GRIK1: variants seen among roughly 807,000 people sequenced by gnomAD.
The protein encoded by GRIK1 is glutamate ionotropic receptor kainate type subunit 1, also known as glutamate receptor ionotropic, kainate 1.
A neutral mutation model predicts 105.7 loss-of-function variants in GRIK1; 69 were observed. That is an observed-to-expected ratio of 0.65 (90% confidence interval 0.54 to 0.80). GRIK1 has a LOEUF of 0.80. Ranked by LOEUF, GRIK1 falls within the 30% of genes least tolerant of loss-of-function variation. GRIK1 has a pLI of 0.00. For synonymous variants in GRIK1, 438 were observed against 431.3 expected (o/e 1.02, Z -0.19); for missense variants, 1,109 against 1,167.3 (o/e 0.95, Z 0.73).
intron 4 of GRIK1, among the ~76,000 whole-genome samples, chr21:29,663,679 T>C (rs1482622537): frequency 6.6e-6 from 1 of 152,166 alleles, no homozygotes; most frequent in East Asian, 1.9e-4. Flanking sequence ...ATAATAGATA[T>C]TTTTGCAATA....
intron 1 of GRIK1, among the ~76,000 whole-genome samples, chr21:29,890,004 G>A (rs1044357862): frequency 6.6e-6 from 1 of 151,838 alleles, no homozygotes. Context: ...AGATCTCCTG[G>A]GACAGAGTAA....
chr21:29,776,364 T>C (rs1308433166), intron 1 of GRIK1, among the ~76,000 whole-genome samples: 4 of 152,250 alleles, frequency 2.6e-5, no homozygotes, highest in Non-Finnish European at 4.4e-5. Context: ...AAGGTGAATA[T>C]TGAGTTTGTA....
At chr21:29,925,356 G>T (rs1569223598) in intron 1 of GRIK1, among the ~76,000 whole-genome samples, 1 of 152,006 alleles carries the variant, frequency 6.6e-6, no homozygotes, top group Non-Finnish European at 1.5e-5. Context: ...ATCTTTTCAG[G>T]GAAACGCACC....
At chr21:29,775,080 AGG>A (rs2065908800) in intron 1 of GRIK1, among the ~76,000 whole-genome samples, 1 of 152,048 alleles carries the variant, frequency 6.6e-6, no homozygotes, top group Non-Finnish European at 1.5e-5. Flanking sequence ...GCACTCTGGG[AGG>A]CCAAGGCTGG....
chr21:29,668,329 A>C (rs1048282682), intron 4 of GRIK1, among the ~76,000 whole-genome samples: 2 of 152,174 alleles, frequency 1.3e-5, no homozygotes, highest in African/African-American at 4.8e-5. Flanking sequence ...AGAGAATGAG[A>C]AGGGAGCTTC....
chr21:29,746,816 G>A (rs1356637450), intron 1 of GRIK1, among the ~76,000 whole-genome samples: 1 of 152,178 alleles, frequency 6.6e-6, no homozygotes, highest in Non-Finnish European at 1.5e-5. Context: ...GTGTTCTTTT[G>A]ATGTTCAAAG....
At chr21:29,783,520 T>C (rs1230327666) in intron 1 of GRIK1, among the ~76,000 whole-genome samples, 1 of 152,216 alleles carries the variant, frequency 6.6e-6, no homozygotes, top group Non-Finnish European at 1.5e-5. Flanking sequence ...CCACATATTA[T>C]AAGCATATTT....
intron 7 of GRIK1, among the ~76,000 whole-genome samples, chr21:29,616,281 A>T (rs2061849506): frequency 6.6e-6 from 1 of 152,088 alleles, no homozygotes; most frequent in Non-Finnish European, 1.5e-5. Context: ...GGGATACGGT[A>T]CTCTCTTGTC....
chr21:29,929,146 C>T (rs777136921), intron 1 of GRIK1, among the ~76,000 whole-genome samples: 1 of 152,270 alleles, frequency 6.6e-6, no homozygotes, highest in African/African-American at 2.4e-5. Flanking sequence ...AGCAGACGCA[C>T]CCATTACCTG....
At chr21:29,767,690 T>C (rs1240609260) in intron 1 of GRIK1, among the ~76,000 whole-genome samples, 2 of 152,204 alleles carry the variant, frequency 1.3e-5, no homozygotes, top group African/African-American at 4.8e-5. Context: ...CTCTTGTGCT[T>C]CAACTTTTAA....
intron 7 of GRIK1, among the ~76,000 whole-genome samples, chr21:29,632,995 T>C (rs1292641730): frequency 2.0e-5 from 3 of 152,134 alleles, no homozygotes; most frequent in Non-Finnish European, 4.4e-5. Context: ...AATGCCACAG[T>C]ATTAAGAGGT....
At chr21:29,916,115 C>G (rs978179525) in intron 1 of GRIK1, among the ~76,000 whole-genome samples, 9 of 102,274 alleles carry the variant, frequency 8.8e-5, no homozygotes, top group Non-Finnish European at 1.4e-4. Flanking sequence ...TATCTAGTTT[C>G]TTTTCTTTGA....
intron 1 of GRIK1, among the ~76,000 whole-genome samples, chr21:29,856,114 T>A (rs2068456074): frequency 6.6e-6 from 1 of 152,114 alleles, no homozygotes; most frequent in African/African-American, 2.4e-5. Context: ...TTGGAGCTAG[T>A]TGTGGATTGA....
chr21:29,838,609 T>A (rs1366406976), intron 1 of GRIK1, among the ~76,000 whole-genome samples: 1 of 152,130 alleles, frequency 6.6e-6, no homozygotes, highest in African/African-American at 2.4e-5. Context: ...AACTAGTAGG[T>A]CTAAGAGAAA....
At chr21:29,898,950 C>A (rs2070282924) in intron 1 of GRIK1, among the ~76,000 whole-genome samples, 1 of 150,036 alleles carries the variant, frequency 6.7e-6, no homozygotes, top group East Asian at 2.0e-4. Context: ...CCAGCCTGGG[C>A]AACAAGAGTG....
At chr21:29,787,656 T>A (rs2066293706) in intron 1 of GRIK1, among the ~76,000 whole-genome samples, 2 of 152,242 alleles carry the variant, frequency 1.3e-5, no homozygotes, top group African/African-American at 2.4e-5. Flanking sequence ...TTTTGGATTT[T>A]CCAACGAACA....
At chr21:29,577,218 A>C (rs775537271) in intron 13 of GRIK1, 37 bp from the exon 14 acceptor site, 1 of 1,159,462 alleles carries the variant, frequency 8.6e-7, no homozygotes, top group East Asian at 2.3e-5. Context: ...TGTTAAACAC[A>C]GTCAGAAGGA....
chr21:29,774,446 C>CT (rs34378438), intron 1 of GRIK1, among the ~76,000 whole-genome samples: 6,250 of 102,382 alleles, frequency 0.061, 330 homozygotes, highest in African/African-American at 0.12. Context: ...TTATTTTGCT[C>CT]TTTTTTTTTT....
intron 1 of GRIK1, among the ~76,000 whole-genome samples, chr21:29,791,335 G>A (rs1465276583): frequency 2.0e-5 from 3 of 152,126 alleles, no homozygotes; most frequent in Non-Finnish European, 4.4e-5. Flanking sequence ...AAAAAAGGAG[G>A]GAAAAGGGTT....
Sources: allele counts gnomAD v4.1 joint callset (sites outside exome capture counted in the v4.1 genomes callset), GRCh38; gene constraint gnomAD v4.1.1; transcripts MANE v1.5; gene names NCBI Gene and HGNC (gene_info 2026-07-23, HGNC 2026-07-21).